The following MAP3K14 variants were observed in gnomAD, a reference collection of about 807,000 sequenced individuals.
The protein encoded by MAP3K14 is NF-kappa-beta-inducing kinase.
MAP3K14 carries 16 observed loss-of-function variants against 99.2 expected under a neutral mutation model. The ratio of observed to expected loss-of-function variants is 0.16; its 90% CI spans 0.11 to 0.24. The LOEUF is 0.24. Among genes scored for constraint, MAP3K14 ranks in the 10% least tolerant of loss-of-function variants. The probability of loss-of-function intolerance (pLI) is 1.00; values close to 1 mark genes in which losing one functional copy is unlikely to be tolerated. For missense variants in MAP3K14, 784 were observed against 1,208.7 expected (o/e 0.65, Z 5.21); for synonymous variants, 462 against 492.4 (o/e 0.94, Z 0.82).
intron 6 of MAP3K14, 139 bp from the exon 7 acceptor site, chr17:45,274,732 G>T: frequency 9.6e-7 from 1 of 1,046,090 alleles, no homozygotes; most frequent in Non-Finnish European, 1.3e-6. Flanking sequence ...TGGGGGGCCT[G>T]CTGGACCCTC....
chr17:45,281,391 C>T (rs2044222126), intron 6 of MAP3K14, among the ~76,000 whole-genome samples: 1 of 149,026 alleles, frequency 6.7e-6, no homozygotes, highest in African/African-American at 2.5e-5. Context: ...TGTTGCCAGG[C>T]TGGAGTGCAG....
In MAP3K14 at chr17:45,272,465, T is replaced by C. The variant is rs1346794118; in HGVS notation, c.1657+1038A>G. ...CCACATTCAATTTACATCTTCAGAA[T>C]TGCCAACATAGTCCTTTAACAACAC... On this transcript the variant is annotated intron_variant, in intron 9 of 15. Transcript: ENST00000344686. This position sits in a 1 kb window ranked among gnomAD's most constrained non-coding sequence, Gnocchi z 4.1. Among the ~76,000 whole-genome samples, 1 of 152,228 alleles carries C rather than the reference T, an allele frequency of 6.6e-6. No individual in the cohort carries two copies. The highest frequency in any genetic ancestry group is 1.9e-4 in the East Asian group (1 of 5,204).
At chr17:45,291,820 G>A (rs896249714) in intron 1 of MAP3K14, among the ~76,000 whole-genome samples, 1 of 152,388 alleles carries the variant, frequency 6.6e-6, no homozygotes, top group Admixed American at 6.5e-5. Context: ...ACTGCTCTCT[G>A]ATGGTAGGTT....
intron 1 of MAP3K14, among the ~76,000 whole-genome samples, chr17:45,302,492 G>A (rs2044397810): frequency 6.6e-6 from 1 of 152,028 alleles, no homozygotes; most frequent in Admixed American, 6.5e-5. Context: ...ATTTTTAGTA[G>A]AGACCGGGTT....
intron 6 of MAP3K14, among the ~76,000 whole-genome samples, chr17:45,282,902 G>C (rs915399347): frequency 3.9e-5 from 6 of 152,220 alleles, no homozygotes; most frequent in Non-Finnish European, 5.9e-5. Context: ...ACCAATGGCA[G>C]CTGTGCAGGC....
intron 1 of MAP3K14, among the ~76,000 whole-genome samples, chr17:45,306,874 C>T (rs75412448): frequency 6.6e-6 from 1 of 152,090 alleles, no homozygotes; most frequent in African/African-American, 2.4e-5. Context: ...GAGAACATGT[C>T]GGGCAAGGTA....
At chr17:45,274,763 C>T (rs545703730) in intron 6 of MAP3K14, among the ~76,000 whole-genome samples, 170 bp from the exon 7 acceptor site, 1 of 152,320 alleles carries the variant, frequency 6.6e-6, no homozygotes, top group Non-Finnish European at 1.5e-5. Flanking sequence ...TTGTGTATCC[C>T]GTGCCCTTGG....
intron 6 of MAP3K14, among the ~76,000 whole-genome samples, chr17:45,276,176 T>TG (rs1376586428): frequency 6.6e-6 from 1 of 152,182 alleles, no homozygotes; most frequent in African/African-American, 2.4e-5. Flanking sequence ...AGGAGGCTTC[T>TG]GGGGAGTGGC....
intron 10 of MAP3K14, 106 bp downstream of exon 10, chr17:45,270,952 C>A (rs1044508517): frequency 1.2e-5 from 17 of 1,426,348 alleles, no homozygotes; most frequent in East Asian, 2.5e-5. Context: ...ATGACCAGGC[C>A]TCCCCTTGCT....
chr17:45,294,524 C>T (rs976859279), intron 1 of MAP3K14, among the ~76,000 whole-genome samples: 3 of 152,228 alleles, frequency 2.0e-5, no homozygotes, highest in Admixed American at 2.0e-4. Flanking sequence ...CTGCCATTCC[C>T]CAGAAGGTTC....
Position 45,264,627 on chromosome 17 carries a change from A to T in MAP3K14, c.*9T>A. ...TCCGGCAGTGTGGAGCCGGCGGTGG[A>T]GGGCAGGGTTAGGGCCTGTTCTCCA... is the stretch of plus-strand genomic sequence containing the variant. On this transcript the variant is annotated 3_prime_UTR_variant, in exon 16 of 16. Transcript: ENST00000344686. The T allele has an allele frequency of 6.4e-7, 1 of 1,566,294 alleles. No homozygotes were observed. The highest frequency in any genetic ancestry group is 8.6e-7 in the Non-Finnish European group (1 of 1,156,320).
At chr17:45,270,809 C>T in intron 10 of MAP3K14, 1 of 746,858 alleles carries the variant, frequency 1.3e-6, no homozygotes, top group Admixed American at 2.9e-5. Flanking sequence ...CGTTAGGAGG[C>T]AGGTGGATGG....
intron 1 of MAP3K14, among the ~76,000 whole-genome samples, chr17:45,295,902 T>A (rs966958471): frequency 3.3e-5 from 5 of 152,192 alleles, no homozygotes; most frequent in Admixed American, 6.5e-5. Flanking sequence ...TTCAGCACCA[T>A]ATAGCCAAGG....
intron 6 of MAP3K14, among the ~76,000 whole-genome samples, chr17:45,279,069 T>C (rs907681664): frequency 2.0e-5 from 3 of 152,180 alleles, no homozygotes; most frequent in Non-Finnish European, 4.4e-5. Flanking sequence ...TTCCCCTCAA[T>C]TGCCTGCACA....
Position 45,286,135 on chromosome 17 carries a change from T to C in MAP3K14, c.1152+296A>G, listed in dbSNP as rs2143818759. Among the ~76,000 whole-genome samples the C allele has an allele frequency of 6.6e-6, 1 of 152,228 alleles. No homozygotes were observed. Among genetic ancestry groups the C allele is most frequent in the South Asian group, 2.1e-4 (1 of 4,818 alleles). On this transcript the variant is annotated intron_variant, in intron 5 of 15. Transcript: ENST00000344686. This position sits in a 1 kb window ranked among gnomAD's most constrained non-coding sequence, Gnocchi z 4.1. ...CATCTTCCGTCTCTGGGGGCCATGATAACATCTCCAGTGGCTCCTGGCTGA... is the reference window on the plus strand; with the variant it reads ...CATCTTCCGTCTCTGGGGGCCATGACAACATCTCCAGTGGCTCCTGGCTGA...
At chr17:45,269,546 A>T (rs1208844115) in intron 11 of MAP3K14, among the ~76,000 whole-genome samples, 4 of 152,178 alleles carry the variant, frequency 2.6e-5, no homozygotes, top group African/African-American at 9.7e-5. Context: ...CATAGGCAGG[A>T]TTAGAGGGTT....
chr17:45,277,003 T>C (rs1348492957), intron 6 of MAP3K14, among the ~76,000 whole-genome samples: 1 of 151,236 alleles, frequency 6.6e-6, no homozygotes, highest in Non-Finnish European at 1.5e-5. Context: ...CTAATTTTTG[T>C]ATTTTTAGTA....
At position 45,263,671 on chromosome 17, in the gene MAP3K14, T is replaced by C. The variant is rs2044039332; in HGVS notation, c.*965A>G. The stretch of plus-strand genomic sequence containing the variant: ...GGCCAGGGGCAGGGCAGGGTGAGTG[T>C]CAGTGTGATGCTGAGCTGTGCTCTG... On this transcript the variant is annotated 3_prime_UTR_variant, in exon 16 of 16. Coordinates refer to ENST00000344686, the MANE Select transcript of MAP3K14 (RefSeq NM_003954.5). The C allele has an allele frequency of 1.3e-5, 2 of 152,626 alleles. No homozygotes were observed. Among genetic ancestry groups the C allele is most frequent in the African/African-American group, 4.8e-5 (2 of 41,442 alleles). The allele number at this position is 152,626 out of a possible 1,614,324, so 9.5% of individuals were successfully genotyped here.
chr17:45,266,672 T>C lies in MAP3K14; in HGVS notation c.2443A>G (p.Lys815Glu). 3.7e-6 allele frequency: 6 copies of C among 1,610,638 alleles called. No individual in the cohort carries two copies. Among genetic ancestry groups the C allele is most frequent in the Non-Finnish European group, 5.1e-6 (6 of 1,177,436 alleles). Residue 815 changes from lysine to glutamate, a missense_variant, in exon 14 of 16, where the codon AAG becomes GAG. This residue lies in a region of MAP3K14 where 130 missense variants were observed against 220.4 expected (regional missense o/e 0.59). Transcript: ENST00000344686. Reference sequence around the variant, plus strand: ...GTGTCCCGCGAGCTTTGAGAGGCCTTTGATGGGTTCTGAAACAACAGGATT... The same window carrying C: ...GTGTCCCGCGAGCTTTGAGAGGCCTCTGATGGGTTCTGAAACAACAGGATT... ...LSDDSEKNPS[K>E]ASQSSRDTLS... is the part of the protein sequence containing the mutation.
Sources: gnomAD v4.1 joint callset for allele counts (sites outside exome capture counted in the v4.1 genomes callset) on GRCh38, gnomAD v4.1.1 for gene constraint, gnomAD v4.1.1 regional missense constraint, Gnocchi (gnomAD v3.1) non-coding constraint, MANE v1.5 for transcripts, NCBI Gene and HGNC (gene_info 2026-07-23, HGNC 2026-07-21) for gene names.